CPA5: variants seen among roughly 807,000 people sequenced by gnomAD.
CPA5 encodes testicular tissue protein Li 32.
A neutral mutation model predicts 52.2 loss-of-function variants in CPA5; 38 were observed. The ratio of observed to expected loss-of-function variants is 0.73; its 90% CI spans 0.56 to 0.95. CPA5 has a LOEUF of 0.95. Ranked by LOEUF, CPA5 falls within the 40% of genes least tolerant of loss-of-function variation. The probability of loss-of-function intolerance (pLI) is 0.00; values close to 1 mark genes in which losing one functional copy is unlikely to be tolerated. For missense variants in CPA5, 519 were observed against 566.7 expected (o/e 0.92, Z 0.86); for synonymous variants, 198 against 213.7 (o/e 0.93, Z 0.64).
chr7:130,354,165 C>T (rs957250642), intron 5 of CPA5, among the ~76,000 whole-genome samples: 1 of 152,038 alleles, frequency 6.6e-6, no homozygotes, highest in Non-Finnish European at 1.5e-5. Flanking sequence ...TGGGCTCAGG[C>T]AACCCGCCAA....
intron 1 of CPA5, 142 bp from the exon 2 acceptor site, chr7:130,345,697 T>C (rs1794691686): frequency 1.3e-5 from 2 of 152,264 alleles, no homozygotes; most frequent in Non-Finnish European, 2.9e-5. Context: ...TTCCTTCTCA[T>C]ACAATATATA....
chr7:130,352,892 G>T (rs74705727), intron 5 of CPA5, among the ~76,000 whole-genome samples: 109 of 150,302 alleles, frequency 7.3e-4, no homozygotes, highest in African/African-American at 2.5e-3. Context: ...AACTTCACTT[G>T]AGCAATCAGC....
chr7:130,359,746 C>T (rs1451522307), intron 6 of CPA5, 59 bp downstream of exon 6: 4 of 1,218,478 alleles, frequency 3.3e-6, no homozygotes, highest in Admixed American at 4.1e-5. Context: ...TTAGGGTCTC[C>T]TGACTCAGTC....
intron 10 of CPA5, among the ~76,000 whole-genome samples, chr7:130,364,037 C>A (rs1158208077): frequency 2.0e-5 from 3 of 151,630 alleles, no homozygotes; most frequent in African/African-American, 7.3e-5. Flanking sequence ...TTCTTGTTTT[C>A]TTTTTTTTGA....
chr7:130,368,956 T>G (rs568009490), downstream of CPA5, among the ~76,000 whole-genome samples: 1 of 152,282 alleles, frequency 6.6e-6, no homozygotes, highest in South Asian at 2.1e-4. Flanking sequence ...ATATTTACAT[T>G]TTAAGATGCT....
chr7:130,349,105 T>G (rs1013878506), intron 4 of CPA5, among the ~76,000 whole-genome samples: 1 of 152,186 alleles, frequency 6.6e-6, no homozygotes, highest in African/African-American at 2.4e-5. Flanking sequence ...ATTTTATTAT[T>G]AAGCTATTGT....
chr7:130,367,291 G>A (rs1401732450), intron 10 of CPA5, 81 bp from the exon 11 acceptor site: 11 of 1,236,696 alleles, frequency 8.9e-6, no homozygotes, highest in Middle Eastern at 2.5e-4. Context: ...GAAATGTAGG[G>A]GAACACACAG....
At position 130,363,467 on chromosome 7, in the gene CPA5, A is replaced by G. The variant is rs1241273020; in HGVS notation, c.796A>G (p.Ile266Val). ...GTCCATCAGACCTGGAATCTTCTGC[A>G]TCGGCGTGGATCTCAACAGGAACTG... is the stretch of plus-strand genomic sequence containing the variant. ...NKSIRPGIFC[I>V]GVDLNRNWKS... is the part of the protein sequence containing the mutation. The change falls in exon 10 of 13, where the codon ATC becomes GTC. Residue 266 changes from isoleucine to valine, a missense_variant. By Grantham distance (29) the Ile-to-Val change is conservative. Transcript: ENST00000474905. 4 of 1,585,620 alleles carry G rather than the reference A, an allele frequency of 2.5e-6. No homozygotes were observed. The East Asian group carries it at 6.8e-5, about 27-fold the overall frequency.
At chr7:130,355,363 T>G (rs1289471464) in intron 5 of CPA5, among the ~76,000 whole-genome samples, 1 of 152,170 alleles carries the variant, frequency 6.6e-6, no homozygotes, top group Non-Finnish European at 1.5e-5. Context: ...GCATTTAGCA[T>G]GTATTAACCC....
At chr7:130,349,132 T>C (rs1794966527) in intron 4 of CPA5, among the ~76,000 whole-genome samples, 1 of 152,192 alleles carries the variant, frequency 6.6e-6, no homozygotes, top group Non-Finnish European at 1.5e-5. Context: ...TCTTTAACTG[T>C]GCCTAATTTA....
chr7:130,360,058 A>G (rs1257343471), intron 6 of CPA5, among the ~76,000 whole-genome samples: 1 of 152,158 alleles, frequency 6.6e-6, no homozygotes, highest in African/African-American at 2.4e-5. Flanking sequence ...AAACACCACC[A>G]TTCTAAGTTC....
At chr7:130,346,980 G>A (rs1412341887) in intron 3 of CPA5, among the ~76,000 whole-genome samples, 2 of 152,188 alleles carry the variant, frequency 1.3e-5, no homozygotes, top group East Asian at 1.9e-4. Flanking sequence ...ACCAAAAATG[G>A]ATGTGGGTGT....
downstream of CPA5, chr7:130,368,838 T>A (rs1796246913): frequency 1.9e-6 from 1 of 536,030 alleles, no homozygotes; most frequent in Non-Finnish European, 3.3e-6. Flanking sequence ...GGGAAGCCTC[T>A]GCACTCTCCA....
downstream of CPA5, among the ~76,000 whole-genome samples, chr7:130,370,392 T>G (rs1796283528): frequency 6.6e-6 from 1 of 152,206 alleles, no homozygotes; most frequent in Non-Finnish European, 1.5e-5. Context: ...CCCAAAGTTT[T>G]CTGCTGCTAG....
chr7:130,354,472 C>T (rs1795358849), intron 5 of CPA5, among the ~76,000 whole-genome samples: 1 of 152,150 alleles, frequency 6.6e-6, no homozygotes, highest in African/African-American at 2.4e-5. Flanking sequence ...CGGCTCACTG[C>T]AGCCTCCACC....
At chr7:130,372,005 C>T (rs1200614995), downstream of CPA5, among the ~76,000 whole-genome samples, 1 of 152,236 alleles carries the variant, frequency 6.6e-6, no homozygotes. Context: ...TGTTCCTGCC[C>T]AGCGGCTTTG....
chr7:130,366,091 T>A (rs375403169), intron 10 of CPA5, among the ~76,000 whole-genome samples: 1 of 152,134 alleles, frequency 6.6e-6, no homozygotes. Flanking sequence ...TGTTTATGGT[T>A]TTGTTATTGC....
intron 9 of CPA5, 36 bp from the exon 10 acceptor site, chr7:130,363,383 C>T: frequency 6.6e-7 from 1 of 1,526,632 alleles, no homozygotes; most frequent in Non-Finnish European, 8.9e-7. Flanking sequence ...GGGAATGGGC[C>T]CAGTGAATGA....
downstream of CPA5, among the ~76,000 whole-genome samples, chr7:130,372,627 G>A (rs900295773): frequency 5.3e-5 from 8 of 152,190 alleles, no homozygotes; most frequent in African/African-American, 9.7e-5. Context: ...CTGAGGTGGC[G>A]GGTCCAGAGA....
Sources: allele counts gnomAD v4.1 joint callset (sites outside exome capture counted in the v4.1 genomes callset), GRCh38; gene constraint gnomAD v4.1.1; transcripts MANE v1.5; gene names NCBI Gene and HGNC (gene_info 2026-07-23, HGNC 2026-07-21).